Variants in CDH7 observed in about 807,000 individuals in gnomAD.
CDH7 encodes cadherin-7.
Under a neutral mutation model 71.8 loss-of-function variants are expected in CDH7, and 25 were observed. The ratio of observed to expected loss-of-function variants is 0.35; its 90% CI spans 0.25 to 0.49. The LOEUF (loss-of-function observed/expected upper bound fraction) is 0.49. Among genes scored for constraint, CDH7 ranks in the 20% least tolerant of loss-of-function variants. The probability of loss-of-function intolerance (pLI) is 0.99; values close to 1 mark genes in which losing one functional copy is unlikely to be tolerated. For missense variants in CDH7, 862 were observed against 974.6 expected, an observed-to-expected ratio of 0.88 and a Z score of 1.54; for synonymous variants, 381 against 363.8, an observed-to-expected ratio of 1.05 and a Z score of -0.54.
chr18:65,811,835 G>T (rs900817522), intron 3 of CDH7, among the ~76,000 whole-genome samples: 3 of 151,914 alleles, frequency 2.0e-5, no homozygotes, highest in African/African-American at 7.2e-5. Context: ...TTTTGATTTT[G>T]ATGGTACTCT....
chr18:65,778,722 A>T (rs1327279268), intron 2 of CDH7, among the ~76,000 whole-genome samples: 2 of 151,440 alleles, frequency 1.3e-5, no homozygotes, highest in Non-Finnish European at 2.9e-5. Context: ...TAATAAATAA[A>T]TACACTTTGA....
At chr18:65,840,325 T>C (rs1392086625) in intron 6 of CDH7, among the ~76,000 whole-genome samples, 1 of 152,220 alleles carries the variant, frequency 6.6e-6, no homozygotes, top group Non-Finnish European at 1.5e-5. Flanking sequence ...GTATGTCCCC[T>C]ATTTGATTCC....
intron 6 of CDH7, among the ~76,000 whole-genome samples, chr18:65,833,371 T>C (rs1182809116): frequency 6.6e-6 from 1 of 152,230 alleles, no homozygotes; most frequent in Non-Finnish European, 1.5e-5. Flanking sequence ...TGAGAGAGAA[T>C]CAAACCAAGG....
rs1914447142 is a variant in CDH7, at chr18:65,889,202, T to G, written c.*8308T>G. ...TTACCCGCTATGCAGATTCATAAAC[T>G]TGTTATTGAATAGTTGGCACACAAG... On this transcript the variant is annotated 3_prime_UTR_variant, in exon 12 of 12. Transcript: ENST00000397968. The G allele has an allele frequency of 6.6e-6, 1 of 152,084 alleles. No individual in the cohort carries two copies. The highest frequency in any genetic ancestry group is 6.6e-5 in the Admixed American group (1 of 15,266). The allele number at this position is 152,084 out of a possible 1,614,324, so 9.4% of individuals were successfully genotyped here.
chr18:65,773,925 C>G (rs1916620323), intron 2 of CDH7, among the ~76,000 whole-genome samples: 1 of 151,804 alleles, frequency 6.6e-6, no homozygotes, highest in Non-Finnish European at 1.5e-5. Context: ...CATTTTTACA[C>G]CCCCACACTA....
chr18:65,809,509 G>T (rs1283157192), intron 2 of CDH7, among the ~76,000 whole-genome samples, 195 bp from the exon 3 acceptor site: 1 of 152,164 alleles, frequency 6.6e-6, no homozygotes, highest in Admixed American at 6.5e-5. Flanking sequence ...AGGAAGAAAT[G>T]AAATTGTCTT....
rs772673849 is a variant in CDH7, at chr18:65,824,803, C to A, written c.953C>A (p.Thr318Asn). The change falls in exon 6 of 12, where the codon ACC becomes AAC. Residue 318 changes from threonine to asparagine, a missense_variant. Thr to Asn is a moderately conservative substitution (Grantham distance 65, BLOSUM62 0). Transcript: ENST00000397968. The stretch of plus-strand genomic sequence containing the variant: ...TTTAAGATTTCTGTTGACAAAGAAA[C>A]CCAGGAAGGAATCATTACTATACAG... ...GIFKISVDKE[T>N]QEGIITIQKE... 6.2e-6 allele frequency: 10 copies of A among 1,610,820 alleles called. No individual in the cohort carries two copies. The Admixed American group carries it at 1.3e-4, about 22-fold the overall frequency.
intron 7 of CDH7, among the ~76,000 whole-genome samples, chr18:65,855,640 A>T (rs1913327246): frequency 6.6e-6 from 1 of 152,178 alleles, no homozygotes; most frequent in Non-Finnish European, 1.5e-5. Context: ...AAGCCCAGAT[A>T]GCTTCACTGA....
At chr18:65,874,199 A>G (rs1202338950) in intron 11 of CDH7, among the ~76,000 whole-genome samples, 3 of 152,220 alleles carry the variant, frequency 2.0e-5, no homozygotes, top group Non-Finnish European at 2.9e-5. Context: ...TAGCCACTAA[A>G]CAATGGATTA....
intron 2 of CDH7, among the ~76,000 whole-genome samples, chr18:65,775,217 G>C (rs1466790051): frequency 6.6e-6 from 1 of 152,158 alleles, no homozygotes; most frequent in African/African-American, 2.4e-5. Flanking sequence ...GCATAGAGAG[G>C]AAGTTTAGCC....
intron 11 of CDH7, among the ~76,000 whole-genome samples, chr18:65,879,784 T>G (rs1914166552): frequency 6.6e-6 from 1 of 152,192 alleles, no homozygotes; most frequent in South Asian, 2.1e-4. Flanking sequence ...ACAGCTTGTA[T>G]TCTGTCTGTA....
At chr18:65,852,575 A>G (rs188855596) in intron 7 of CDH7, among the ~76,000 whole-genome samples, 69 of 152,286 alleles carry the variant, frequency 4.5e-4, no homozygotes, top group African/African-American at 1.5e-3. Flanking sequence ...ATCAAATACC[A>G]GGTAAATTAA....
intron 11 of CDH7, among the ~76,000 whole-genome samples, chr18:65,867,357 A>G (rs1913796781): frequency 1.3e-5 from 2 of 152,028 alleles, no homozygotes. Context: ...TTTGAATAGA[A>G]ATTACAACCC....
At chr18:65,759,263 T>G (rs1265679434) in intron 1 of CDH7, among the ~76,000 whole-genome samples, 2 of 151,972 alleles carry the variant, frequency 1.3e-5, no homozygotes, top group African/African-American at 2.4e-5. Flanking sequence ...TTTTTTCTTT[T>G]GGAGACAGAA....
At chr18:65,811,258 G>A (rs1394808647) in intron 3 of CDH7, among the ~76,000 whole-genome samples, 1 of 151,856 alleles carries the variant, frequency 6.6e-6, no homozygotes, top group Non-Finnish European at 1.5e-5. Flanking sequence ...GAGGAGTGGG[G>A]TTGCAAAGAT....
chr18:65,811,572 CCAA>C (rs1371999842), intron 3 of CDH7, among the ~76,000 whole-genome samples: 7 of 152,072 alleles, frequency 4.6e-5, no homozygotes, highest in Non-Finnish European at 1.0e-4. Flanking sequence ...CTCTTGCTTA[CCAA>C]CAAGAGCAGC....
At chr18:65,754,853 T>C (rs1915989777) in intron 1 of CDH7, among the ~76,000 whole-genome samples, 1 of 152,220 alleles carries the variant, frequency 6.6e-6, no homozygotes, top group Non-Finnish European at 1.5e-5. Context: ...CCTTGTGTCA[T>C]AGTGTAGTAG....
At position 65,880,684 on chromosome 18, in the gene CDH7, A is replaced by G. The variant is rs1271554868; in HGVS notation, c.2148A>G (p.Lys716=). The change falls in exon 12 of 12, where the codon AAA becomes AAG. Residue 716 remains lysine, a synonymous_variant. Coordinates refer to ENST00000397968, the MANE Select transcript of CDH7 (RefSeq NM_004361.5). ...IFREFIWERL[K]EADVDPGAPP... Reference sequence around the variant, plus strand: ...GGGAATTTATTTGGGAAAGATTAAAAGAAGCCGATGTTGATCCTGGTGCTC... The same window carrying G: ...GGGAATTTATTTGGGAAAGATTAAAGGAAGCCGATGTTGATCCTGGTGCTC... 1.9e-6 allele frequency: 3 copies of G among 1,614,136 alleles called. No individual in the cohort carries two copies. In the South Asian group the frequency reaches 3.3e-5, roughly 18 times the overall value.
rs570890039 is a variant in CDH7, at chr18:65,757,337, A to G, written c.-196-5310A>G. On this transcript the variant is annotated intron_variant, in intron 1 of 11. Transcript: ENST00000397968. ...AGCATGATCAAGTGATTTCATATCA[A>G]ATGACGTTGATTTAGTAAATACTGC... Among the ~76,000 whole-genome samples, 6 of 152,310 alleles carry G rather than the reference A, an allele frequency of 3.9e-5. No individual in the cohort carries two copies. In the East Asian group the frequency reaches 1.2e-3, roughly 29 times the overall value.
Sources: gnomAD v4.1 joint callset for allele counts (sites outside exome capture counted in the v4.1 genomes callset) on GRCh38, gnomAD v4.1.1 for gene constraint, MANE v1.5 for transcripts, NCBI Gene and HGNC (gene_info 2026-07-23, HGNC 2026-07-21) for gene names.